Variants in RNF121 observed in about 807,000 individuals in gnomAD.
RNF121 encodes E3 ubiquitin ligase RNF121.
In RNF121, 21 loss-of-function variants were observed where a neutral mutation model predicts 46.5. The observed-to-expected ratio is 0.45, with a 90% CI of 0.32 to 0.65. RNF121 has a LOEUF of 0.65. RNF121 is among the 30% of genes least tolerant of loss of function. RNF121 has a pLI of 0.04. For synonymous variants in RNF121, 139 were observed against 144.7 expected (o/e 0.96, Z 0.28); for missense variants, 346 against 416.0 (o/e 0.83, Z 1.46).
chr11:71,959,640 T>C (rs937100967), intron 2 of RNF121, among the ~76,000 whole-genome samples: 7 of 149,840 alleles, frequency 4.7e-5, no homozygotes, highest in Admixed American at 2.0e-4. Flanking sequence ...TCTTCTTCTT[T>C]TTTTTTTTTT....
intron 3 of RNF121, among the ~76,000 whole-genome samples, chr11:71,966,402 T>A (rs943418076): frequency 6.6e-6 from 1 of 152,202 alleles, no homozygotes; most frequent in African/African-American, 2.4e-5. Flanking sequence ...GCAAAACACA[T>A]TGGTCCCCTG....
chr11:71,982,847 G>T lies in RNF121; in HGVS notation c.330G>T (p.Leu110Phe), dbSNP rs1414230268. The change falls in exon 4 of 9, where the codon TTG becomes TTT. Residue 110 changes from leucine (L) to phenylalanine (F), a missense_variant. Physicochemically the swap from Leu to Phe is conservative, Grantham distance 22 (BLOSUM62 0). Coordinates refer to ENST00000361756, the MANE Select transcript of RNF121 (RefSeq NM_018320.5). Reference sequence around the variant, plus strand: ...GGAGGTTCCTAGTGATCTGGATCTTGTTCTCTGCTGTCACAGCCTTTGTTA... The same window carrying T: ...GGAGGTTCCTAGTGATCTGGATCTTTTTCTCTGCTGTCACAGCCTTTGTTA... ...HWWRFLVIWI[L>F]FSAVTAFVTF... The T allele has an allele frequency of 1.2e-6, 2 of 1,613,920 alleles. No homozygotes were observed. Among genetic ancestry groups the T allele is most frequent in the Non-Finnish European group, 1.7e-6 (2 of 1,179,984 alleles).
chr11:71,961,233 A>G (rs1355395683), intron 3 of RNF121, among the ~76,000 whole-genome samples: 1 of 152,188 alleles, frequency 6.6e-6, no homozygotes, highest in Non-Finnish European at 1.5e-5. Context: ...CATCTCATGA[A>G]TCTTACAGGA....
intron 1 of RNF121, among the ~76,000 whole-genome samples, chr11:71,943,485 C>G (rs1453096828): frequency 6.6e-6 from 1 of 152,202 alleles, no homozygotes; most frequent in African/African-American, 2.4e-5. Context: ...ATAATAAAGG[C>G]ATTTGTTACG....
chr11:71,942,788 A>G (rs941590500), intron 1 of RNF121, among the ~76,000 whole-genome samples: 1 of 3,116 alleles, frequency 3.2e-4, no homozygotes, highest in African/African-American at 4.4e-4. Context: ...ATATATATAT[A>G]TAGATATATA....
chr11:71,989,679 G>A (rs575360550), intron 5 of RNF121, among the ~76,000 whole-genome samples: 1 of 152,220 alleles, frequency 6.6e-6, no homozygotes, highest in Non-Finnish European at 1.5e-5. Context: ...CAAATTATCG[G>A]TCCTTGGAAT....
Position 71,989,815 on chromosome 11 carries a change from G to T in RNF121, c.507-782G>T, listed in dbSNP as rs1048750019. 9.2e-5 allele frequency among the ~76,000 whole-genome samples: 14 copies of T among 152,126 alleles called. No individual in the cohort carries two copies. The East Asian group carries it at 2.7e-3, about 29-fold the overall frequency. On this transcript the variant is annotated intron_variant, in intron 5 of 8. Transcript: ENST00000361756. ...TATATTTGTAGTTTATAATTTTATAGTAACTGCTATATATTAATAAATATT... is the reference window on the plus strand; with the variant it reads ...TATATTTGTAGTTTATAATTTTATATTAACTGCTATATATTAATAAATATT...
chr11:71,963,636 A>G (rs1954196353), intron 3 of RNF121, among the ~76,000 whole-genome samples: 1 of 152,142 alleles, frequency 6.6e-6, no homozygotes, highest in Admixed American at 6.5e-5. Context: ...AAAGAGTTTT[A>G]TAGTCTTAGC....
intron 3 of RNF121, among the ~76,000 whole-genome samples, chr11:71,968,279 C>T (rs1223167251): frequency 6.6e-6 from 1 of 152,134 alleles, no homozygotes; most frequent in Non-Finnish European, 1.5e-5. Flanking sequence ...AGGCTGATCT[C>T]GAACTCTGGA....
intron 6 of RNF121, among the ~76,000 whole-genome samples, chr11:71,991,373 A>G (rs1590816343): frequency 1.3e-5 from 2 of 152,162 alleles, no homozygotes; most frequent in South Asian, 4.1e-4. Flanking sequence ...ATGTGTCTAG[A>G]CACATAGCTA....
intron 2 of RNF121, among the ~76,000 whole-genome samples, chr11:71,958,978 T>C (rs1388929598): frequency 6.6e-6 from 1 of 152,200 alleles, no homozygotes; most frequent in Non-Finnish European, 1.5e-5. Flanking sequence ...CTCATAGCCC[T>C]TAGGTGTTTT....
intron 4 of RNF121, among the ~76,000 whole-genome samples, chr11:71,984,154 A>G (rs1431716530): frequency 6.6e-6 from 1 of 152,264 alleles, no homozygotes; most frequent in South Asian, 2.1e-4. Context: ...GGGTGATAAG[A>G]TGATATGAAG....
intron 3 of RNF121, chr11:71,978,128 T>C (rs1590805080): frequency 4.5e-6 from 2 of 443,736 alleles, no homozygotes; most frequent in East Asian, 7.7e-5. Context: ...CTCAAGCTCC[T>C]GGGCTCAAGC....
chr11:71,986,066 G>A (rs1181556331), intron 4 of RNF121, among the ~76,000 whole-genome samples: 3 of 152,162 alleles, frequency 2.0e-5, no homozygotes, highest in African/African-American at 7.2e-5. Flanking sequence ...TCCTTCAGGA[G>A]CATGAACAAC....
intron 1 of RNF121, among the ~76,000 whole-genome samples, chr11:71,949,050 C>T (rs1953798676): frequency 1.3e-5 from 2 of 152,174 alleles, no homozygotes; most frequent in African/African-American, 2.4e-5. Flanking sequence ...AATAGTCTGT[C>T]TCTCCCTACT....
At chr11:71,942,771 T>TGTATATATATATATATATAG (rs1269104719) in intron 1 of RNF121, among the ~76,000 whole-genome samples, 305 of 18,506 alleles carry the variant, frequency 0.016, no homozygotes, top group African/African-American at 0.026. Context: ...TCTATATATC[T>TGTATATATATATATATATAG]GTATATATAT....
intron 1 of RNF121, among the ~76,000 whole-genome samples, chr11:71,933,713 A>G (rs1278247278): frequency 6.6e-6 from 1 of 152,152 alleles, no homozygotes; most frequent in African/African-American, 2.4e-5. Flanking sequence ...CTTCCTCACT[A>G]GACTGTAAGC....
chr11:71,968,577 G>T (rs143318416), intron 3 of RNF121, among the ~76,000 whole-genome samples: 373 of 152,320 alleles, frequency 2.4e-3, no homozygotes, highest in Middle Eastern at 0.01. Context: ...CTAGAGAGGA[G>T]AAGCAGAGCA....
intron 2 of RNF121, among the ~76,000 whole-genome samples, chr11:71,958,169 G>C (rs953910725): frequency 4.6e-5 from 7 of 152,200 alleles, no homozygotes; most frequent in Non-Finnish European, 8.8e-5. Context: ...CAAATATTTT[G>C]TTCTAAGCAT....
Sources: allele counts gnomAD v4.1 joint callset (sites outside exome capture counted in the v4.1 genomes callset), GRCh38; gene constraint gnomAD v4.1.1; transcripts MANE v1.5; gene names NCBI Gene and HGNC (gene_info 2026-07-23, HGNC 2026-07-21).